PLS3: variants seen among roughly 807,000 people sequenced by gnomAD.
PLS3 encodes plastin-3.
Under a neutral mutation model 46.5 loss-of-function variants are expected in PLS3, and 11 were observed. The ratio of observed to expected loss-of-function variants is 0.24; its 90% CI spans 0.15 to 0.39. The LOEUF (loss-of-function observed/expected upper bound fraction) is 0.39, where lower values mean the gene tolerates loss of function less well. Among genes scored for constraint, PLS3 ranks in the 10% least tolerant of loss-of-function variants. The pLI is 1.00. For synonymous variants in PLS3, 167 were observed against 162.2 expected (o/e 1.03, Z -0.22); for missense variants, 308 against 461.8 (o/e 0.67, Z 3.05).
intron 3 of PLS3, among the ~76,000 whole-genome samples, chrX:115,623,698 T>TTA (rs1482663275): frequency 9.0e-6 from 1 of 111,557 alleles, no homozygotes; most frequent in East Asian, 2.8e-4. Flanking sequence ...TGCCTAATAT[T>TTA]TATCACAAAT....
At chrX:115,648,284 G>A (rs782133503) in intron 15 of PLS3, among the ~76,000 whole-genome samples, 81 of 111,917 alleles carry the variant, frequency 7.2e-4, no homozygotes, top group South Asian at 1.9e-3. Context: ...CAGAAATAAT[G>A]TAGCATGTAT....
At chrX:115,613,687 AATTTTT>A (rs1229221340) in intron 2 of PLS3, among the ~76,000 whole-genome samples, 134 of 110,877 alleles carry the variant, frequency 1.2e-3, no homozygotes, top group African/African-American at 3.4e-3. Context: ...GGGTAAAAGC[AATTTTT>A]ATTTTTATTT....
In PLS3 at chrX:115,570,763, T is replaced by C. The variant is rs2074209299; in HGVS notation, c.-9+9503T>C. Among the ~76,000 whole-genome samples, 3 of 110,410 alleles carry C rather than the reference T, an allele frequency of 2.7e-5. 1 individual carries two copies. The highest frequency in any genetic ancestry group is 7.9e-4 in the South Asian group (2 of 2,541). On this transcript the variant is annotated intron_variant, in intron 1 of 15. Coordinates refer to ENST00000355899, the MANE Select transcript of PLS3 (RefSeq NM_005032.7). Reference sequence around the variant, plus strand: ...TTAGAAATTAGTGGGGTTTTTTGTGTTTTATTTAATGGTATTGGAAAAACA... The same window carrying C: ...TTAGAAATTAGTGGGGTTTTTTGTGCTTTATTTAATGGTATTGGAAAAACA...
intron 4 of PLS3, 24 bp from the exon 5 acceptor site, chrX:115,629,811 T>C: frequency 1.0e-6 from 1 of 995,835 alleles, no homozygotes; most frequent in Non-Finnish European, 1.4e-6. Flanking sequence ...TGAACTAATG[T>C]CTTGTTATTT....
intron 3 of PLS3, among the ~76,000 whole-genome samples, chrX:115,624,548 TAGAA>T (rs201033594): frequency 0.016 from 1,741 of 112,244 alleles, 34 homozygotes; most frequent in African/African-American, 0.053. Flanking sequence ...TTTAATCTAT[TAGAA>T]AGAACAGACC....
chrX:115,573,133 A>C (rs1331846055), intron 1 of PLS3, among the ~76,000 whole-genome samples: 1 of 110,936 alleles, frequency 9.0e-6, no homozygotes, highest in African/African-American at 3.3e-5. Flanking sequence ...AAAGGAAAAA[A>C]AAAGAAAATG....
At chrX:115,637,733 T>A (rs1427932464) in intron 8 of PLS3, among the ~76,000 whole-genome samples, 1 of 111,637 alleles carries the variant, frequency 9.0e-6, no homozygotes, top group African/African-American at 3.3e-5. Flanking sequence ...ACACAGGGAA[T>A]AAACTTAAGG....
At chrX:115,610,101 T>G in intron 1 of PLS3, 142 bp from the exon 2 acceptor site, 1 of 304,061 alleles carries the variant, frequency 3.3e-6, no homozygotes, top group Non-Finnish European at 5.8e-6. Flanking sequence ...ATTAAAGCTG[T>G]ATGTAGAGAC....
chrX:115,645,133 G>A (rs376480136), intron 11 of PLS3, 34 bp downstream of exon 11: 7 of 768,235 alleles, frequency 9.1e-6, no homozygotes, highest in Middle Eastern at 2.9e-4. Context: ...AAACAGTTAC[G>A]AATGTCATGA....
At chrX:115,603,020 T>C (rs2074459652) in intron 1 of PLS3, among the ~76,000 whole-genome samples, 1 of 111,342 alleles carries the variant, frequency 9.0e-6, no homozygotes. Context: ...GTGAGTGCTT[T>C]AGGAGATAAA....
chrX:115,644,681 G>A lies in PLS3; in HGVS notation c.1184-340G>A, dbSNP rs782159111. On this transcript the variant is annotated intron_variant, in intron 10 of 15. Coordinates refer to ENST00000355899, the MANE Select transcript of PLS3 (RefSeq NM_005032.7). ...GTCCACTGATATTTCTATAAAACCA[G>A]TAACTTAACTGATAACATCAGTTAC... 8.1e-5 allele frequency among the ~76,000 whole-genome samples: 9 copies of A among 111,126 alleles called. No homozygotes were observed. In the East Asian group the frequency reaches 2.5e-3, roughly 31 times the overall value.
intron 5 of PLS3, among the ~76,000 whole-genome samples, chrX:115,633,182 T>C (rs1209607211): frequency 3.6e-5 from 4 of 110,798 alleles, no homozygotes; most frequent in Non-Finnish European, 7.6e-5. Flanking sequence ...TTTGGGTTTT[T>C]TTTTTTTTAA....
chrX:115,634,585 C>A (rs2074811110), intron 6 of PLS3, among the ~76,000 whole-genome samples: 1 of 111,730 alleles, frequency 9.0e-6, no homozygotes, highest in South Asian at 3.8e-4. Context: ...GATATATTTA[C>A]TGTGGTACTC....
intron 1 of PLS3, among the ~76,000 whole-genome samples, chrX:115,570,499 C>G (rs1199854359): frequency 1.0e-5 from 1 of 100,146 alleles, no homozygotes; most frequent in African/African-American, 3.9e-5. Context: ...ACCTTCCTAC[C>G]TTCCTTTTTT....
At chrX:115,614,422 A>G (rs782598332) in intron 2 of PLS3, 70 of 751,649 alleles carry the variant, frequency 9.3e-5, no homozygotes, top group Non-Finnish European at 1.0e-4. Flanking sequence ...CTTGACCTCC[A>G]TCTTTGGAAA....
At position 115,570,486 on chromosome X, in the gene PLS3, A is replaced by T. The variant is rs1205794082; in HGVS notation, c.-9+9226A>T. Among the ~76,000 whole-genome samples, 5 of 101,826 alleles carry T rather than the reference A, an allele frequency of 4.9e-5. No individual in the cohort carries two copies. The Admixed American group carries it at 5.3e-4, about 11-fold the overall frequency. The allele number at this position is 101,826 out of a possible 115,157, so 88.4% of individuals were successfully genotyped here. ...TATCTACCTCTTTTTCTCTAATTTG[A>T]GTACCTTCCTACCTTCCTTTTTTTT... On this transcript the variant is annotated intron_variant, in intron 1 of 15. Transcript: ENST00000355899.
intron 2 of PLS3, among the ~76,000 whole-genome samples, chrX:115,620,321 A>G (rs2074636338): frequency 9.0e-6 from 1 of 110,882 alleles, no homozygotes; most frequent in African/African-American, 3.3e-5. Flanking sequence ...TGCATTTGCT[A>G]TTTTCTCTAC....
At chrX:115,577,070 A>G (rs1279263217) in intron 1 of PLS3, among the ~76,000 whole-genome samples, 1 of 112,125 alleles carries the variant, frequency 8.9e-6, no homozygotes, top group Non-Finnish European at 1.9e-5. Flanking sequence ...CATTCTTCTC[A>G]CTATATATTT....
intron 8 of PLS3, among the ~76,000 whole-genome samples, chrX:115,638,862 G>A (rs1556640616): frequency 1.8e-5 from 2 of 108,961 alleles, no homozygotes; most frequent in Non-Finnish European, 3.8e-5. Flanking sequence ...ACAGGCACCC[G>A]CCACCATGCC....
Sources: allele counts gnomAD v4.1 joint callset (sites outside exome capture counted in the v4.1 genomes callset), GRCh38; gene constraint gnomAD v4.1.1; transcripts MANE v1.5; gene names NCBI Gene and HGNC (gene_info 2026-07-23, HGNC 2026-07-21).